Variants in GPAT4 observed in about 807,000 individuals in gnomAD.
The protein encoded by GPAT4 is 1-AGP acyltransferase 6.
GPAT4 carries 17 observed loss-of-function variants against 58.0 expected under a neutral mutation model. The observed-to-expected ratio is 0.29, with a 90% CI of 0.20 to 0.44. GPAT4 has a LOEUF of 0.44. Among genes scored for constraint, GPAT4 ranks in the 20% least tolerant of loss-of-function variants. GPAT4 has a pLI of 1.00. For missense variants in GPAT4, 377 were observed against 574.5 expected (o/e 0.66, Z 3.51); for synonymous variants, 204 against 210.1 (o/e 0.97, Z 0.25).
chr8:41,580,246 C>T (rs148436634), intron 1 of GPAT4, among the ~76,000 whole-genome samples: 2 of 152,204 alleles, frequency 1.3e-5, no homozygotes, highest in East Asian at 3.9e-4. Context: ...AAGTGGTATA[C>T]CAGTTTGAGA....
chr8:41,620,356 G>A (rs1803711381), intron 12 of GPAT4, among the ~76,000 whole-genome samples: 1 of 152,228 alleles, frequency 6.6e-6, no homozygotes, highest in Admixed American at 6.5e-5. Flanking sequence ...CTGAGAGGCA[G>A]CCCCGGAGGT....
rs996919527 is a variant in GPAT4, at chr8:41,622,514, C to T, written c.*1513C>T. 6.6e-6 allele frequency: 1 copy of T among 152,444 alleles called. No individual in the cohort carries two copies. The highest frequency in any genetic ancestry group is 3.4e-3 in the Middle Eastern group (1 of 296). The allele number at this position is 152,444 out of a possible 1,614,324, so 9.4% of individuals were successfully genotyped here. ...TGCCCCACCAGCCCTCACTTGGGACCCATGCTCCCTCGTGGCACAGTCATG... is the reference window on the plus strand; with the variant it reads ...TGCCCCACCAGCCCTCACTTGGGACTCATGCTCCCTCGTGGCACAGTCATG... On this transcript the variant is annotated 3_prime_UTR_variant, in exon 13 of 13. Transcript: ENST00000396987.
In GPAT4 at chr8:41,609,669, G is replaced by T; in HGVS notation, c.250G>T (p.Asp84Tyr). ...TTCTTTTGCAGGAATCATTGCAAAG[G>T]ATCCCACTTCACTAGAAGAAGAGAT... ...KPYTNGIIAK[D>Y]PTSLEEEIKE... is the part of the protein sequence containing the mutation. Residue 84 changes from aspartate to tyrosine, a missense_variant, in exon 4 of 13, where the codon GAT becomes TAT. By Grantham distance (160) the Asp-to-Tyr change is radical. Transcript: ENST00000396987. 6.2e-7 allele frequency: 1 copy of T among 1,612,514 alleles called. No individual in the cohort carries two copies. The highest frequency in any genetic ancestry group is 8.5e-7 in the Non-Finnish European group (1 of 1,178,916).
chr8:41,595,569 C>T (rs979598527), intron 1 of GPAT4, among the ~76,000 whole-genome samples: 3 of 152,080 alleles, frequency 2.0e-5, no homozygotes, highest in Non-Finnish European at 2.9e-5. Flanking sequence ...ACACTTACAA[C>T]AAGGTGGTAT....
intron 2 of GPAT4, among the ~76,000 whole-genome samples, chr8:41,599,667 C>T (rs1402720716): frequency 6.6e-6 from 1 of 152,208 alleles, no homozygotes; most frequent in Non-Finnish European, 1.5e-5. Context: ...GGGAGAGCCT[C>T]TTCTCTTCCA....
At chr8:41,608,521 C>T (rs1803348080) in intron 2 of GPAT4, among the ~76,000 whole-genome samples, 1 of 152,192 alleles carries the variant, frequency 6.6e-6, no homozygotes, top group East Asian at 1.9e-4. Context: ...AGAACCAGCC[C>T]CTGGCTGTCT....
Position 41,613,244 on chromosome 8 carries a change from A to C in GPAT4, c.911+284A>C, listed in dbSNP as rs113446200. Among the ~76,000 whole-genome samples the C allele has an allele frequency of 9.1e-3, 1,385 of 152,096 alleles. 29 individuals are homozygous for C. Among genetic ancestry groups the C allele is most frequent in the African/African-American group, 0.032 (1,308 of 41,470 alleles). ...AAAATACAAAATACTAAAAATGCAA[A>C]AATTATTGACGGGCATCTGTAATCC... On this transcript the variant is annotated intron_variant, in intron 8 of 12. Transcript: ENST00000396987.
intron 1 of GPAT4, among the ~76,000 whole-genome samples, chr8:41,594,609 G>A (rs190816343): frequency 1.2e-4 from 17 of 144,278 alleles, no homozygotes; most frequent in Middle Eastern, 4.1e-3. Flanking sequence ...GCAGTGGTCC[G>A]ATCTCGGCTC....
intron 1 of GPAT4, among the ~76,000 whole-genome samples, chr8:41,594,079 G>T (rs186436181): frequency 2.0e-5 from 3 of 152,254 alleles, no homozygotes; most frequent in Non-Finnish European, 2.9e-5. Context: ...AATTTTTAAT[G>T]TCTGACCATA....
intron 8 of GPAT4, among the ~76,000 whole-genome samples, chr8:41,613,626 GCAGA>G (rs1447695287): frequency 6.6e-6 from 1 of 152,190 alleles, no homozygotes; most frequent in East Asian, 1.9e-4. Context: ...GAGATTTGCA[GCAGA>G]CAGAGACATC....
At chr8:41,590,439 C>T (rs1316629463) in intron 1 of GPAT4, among the ~76,000 whole-genome samples, 1 of 152,210 alleles carries the variant, frequency 6.6e-6, no homozygotes, top group Non-Finnish European at 1.5e-5. Context: ...GTAGGGGTTA[C>T]AGAGCAGGGG....
At chr8:41,610,141 C>T in intron 4 of GPAT4, 186 bp downstream of exon 4, 2 of 1,410,700 alleles carry the variant, frequency 1.4e-6, no homozygotes, top group Non-Finnish European at 1.8e-6. Flanking sequence ...GGATTCTCTG[C>T]ATATCAGACA....
At chr8:41,588,576 C>G (rs369687178) in intron 1 of GPAT4, among the ~76,000 whole-genome samples, 59 of 149,966 alleles carry the variant, frequency 3.9e-4, no homozygotes, top group African/African-American at 1.2e-3. Context: ...GTGTATTTTC[C>G]TTGTCAACAG....
At position 41,599,120 on chromosome 8, in the gene GPAT4, C is replaced by A. The variant is rs963747917; in HGVS notation, c.-20C>A. 1 of 1,602,004 alleles carries A rather than the reference C, an allele frequency of 6.2e-7. No homozygotes were observed. The highest frequency in any genetic ancestry group is 1.4e-5 in the African/African-American group (1 of 73,926). On this transcript the variant is annotated 5_prime_UTR_variant, in exon 2 of 13. Coordinates refer to ENST00000396987, the MANE Select transcript of GPAT4 (RefSeq NM_178819.4). ...TTGTTCTTAGGGAGGCAGGTGCTGG[C>A]CTGGCCTGGATCTTCCACCATGTTC...
intron 2 of GPAT4, among the ~76,000 whole-genome samples, chr8:41,602,453 G>T (rs551087342): frequency 2.0e-5 from 3 of 152,178 alleles, no homozygotes; most frequent in African/African-American, 7.2e-5. Flanking sequence ...ACTGAGTCAC[G>T]TGGGCCAGAA....
chr8:41,611,573 G>A (rs1326481454), intron 5 of GPAT4, among the ~76,000 whole-genome samples: 2 of 152,240 alleles, frequency 1.3e-5, no homozygotes, highest in Non-Finnish European at 2.9e-5. Flanking sequence ...CTGGGCGGGT[G>A]AGGAGGTTGG....
Position 41,599,147 on chromosome 8 carries a change from T to C in GPAT4, c.8T>C (p.Leu3Pro). Reference sequence around the variant, plus strand: ...TGGCCTGGATCTTCCACCATGTTCCTGTTGCTGCCTTTTGATAGCCTGATT... The same window carrying C: ...TGGCCTGGATCTTCCACCATGTTCCCGTTGCTGCCTTTTGATAGCCTGATT... MF[L>P]LLPFDSLIVN... The change falls in exon 2 of 13, where the codon CTG becomes CCG. Residue 3 changes from leucine (L) to proline (P), a missense_variant. By Grantham distance (98) the Leu-to-Pro change is moderately conservative. Coordinates refer to ENST00000396987, the MANE Select transcript of GPAT4 (RefSeq NM_178819.4). 1 of 1,611,122 alleles carries C rather than the reference T, an allele frequency of 6.2e-7. No individual in the cohort carries two copies. Among genetic ancestry groups the C allele is most frequent in the African/African-American group, 1.3e-5 (1 of 74,732 alleles).
At chr8:41,617,015 G>A (rs1305110580) in intron 10 of GPAT4, among the ~76,000 whole-genome samples, 2 of 152,114 alleles carry the variant, frequency 1.3e-5, no homozygotes, top group Non-Finnish European at 2.9e-5. Flanking sequence ...CGAAACAAAG[G>A]GTTCTCACAC....
rs922550198 is a variant in GPAT4 at position 41,581,286 on chromosome 8, C to T, written c.-849+3008C>T. Among the ~76,000 whole-genome samples, 9 of 152,288 alleles carry T rather than the reference C, an allele frequency of 5.9e-5. 1 individual carries two copies. Among genetic ancestry groups the T allele is most frequent in the East Asian group, 3.9e-4 (2 of 5,180 alleles). Reference sequence around the variant, plus strand: ...TTCACCTTTAAAACACATGCAGACACGTACACATGCCACACAAACACAGAG... The same window carrying T: ...TTCACCTTTAAAACACATGCAGACATGTACACATGCCACACAAACACAGAG... On this transcript the variant is annotated intron_variant, in intron 1 of 12. Coordinates refer to ENST00000396987, the MANE Select transcript of GPAT4 (RefSeq NM_178819.4).
Sources: gnomAD v4.1 joint callset for allele counts (sites outside exome capture counted in the v4.1 genomes callset) on GRCh38, gnomAD v4.1.1 for gene constraint, MANE v1.5 for transcripts, NCBI Gene and HGNC (gene_info 2026-07-23, HGNC 2026-07-21) for gene names.